Variants in NEGR1 observed in about 807,000 individuals in gnomAD.
The protein encoded by NEGR1 is neuronal growth regulator 1, also known as IgLON family member 4.
Under a neutral mutation model 40.9 loss-of-function variants are expected in NEGR1, and 10 were observed. That is an observed-to-expected ratio of 0.24 (90% CI 0.15 to 0.42). The LOEUF (loss-of-function observed/expected upper bound fraction) is 0.42. Among genes scored for constraint, NEGR1 ranks in the 10% least tolerant of loss-of-function variants. NEGR1 has a pLI of 1.00. For missense variants in NEGR1, 352 were observed against 438.9 expected (o/e 0.80, Z 1.77); for synonymous variants, 185 against 166.8 (o/e 1.11, Z -0.84).
At position 72,205,756 on chromosome 1, in the gene NEGR1, CAAAAAAAAAAAAA is replaced by C. The variant is rs35490878; in HGVS notation, c.176+76550_176+76562del. 2.9e-4 allele frequency among the ~76,000 whole-genome samples: 9 copies of C among 30,886 alleles called. No homozygotes were observed. In the East Asian group the frequency reaches 4.0e-3, roughly 14 times the overall value. The allele number at this position is 30,886 out of a possible 152,430, so 20.3% of individuals were successfully genotyped here. A position where few individuals can be genotyped will look rare whatever the true frequency, so the allele number is the denominator to read the frequency against. ...GGCAAATGGCAAAACCCCATTTCTA[CAAAAAAAAAAAAA>C]AAAAAAAAAAAAAAATACAAAAATT... is the stretch of plus-strand genomic sequence containing the variant. On this transcript the variant is annotated intron_variant, in intron 1 of 6. Transcript: ENST00000357731.
At chr1:72,103,354 T>G (rs966157444) in intron 1 of NEGR1, among the ~76,000 whole-genome samples, 66 of 152,090 alleles carry the variant, frequency 4.3e-4, no homozygotes, top group African/African-American at 1.6e-3. Context: ...TATGGTATGT[T>G]GACAGAGCAT....
intron 6 of NEGR1, among the ~76,000 whole-genome samples, chr1:71,580,990 A>G (rs908997871): frequency 6.6e-6 from 1 of 152,236 alleles, no homozygotes; most frequent in Admixed American, 6.5e-5. Flanking sequence ...TTAAAATTGA[A>G]TTCTATAAGT....
chr1:72,263,669 G>A (rs904462484), intron 1 of NEGR1, among the ~76,000 whole-genome samples: 2 of 151,414 alleles, frequency 1.3e-5, no homozygotes, highest in Admixed American at 1.3e-4. Context: ...AGAATCTAAA[G>A]TTATCTATAC....
intron 1 of NEGR1, among the ~76,000 whole-genome samples, chr1:72,148,562 C>T (rs1444623319): frequency 6.6e-6 from 1 of 152,126 alleles, no homozygotes; most frequent in Non-Finnish European, 1.5e-5. Context: ...CATCAGGCTG[C>T]AAATTTTCTG....
chr1:71,399,818 T>C lies in NEGR1; in HGVS notation c.*7628A>G, dbSNP rs952733839. The stretch of plus-strand genomic sequence containing the variant: ...TCAGGGCAACCACAATCCACACTTA[T>C]GAAACTACTTAGAAAACTATGGAAG... On this transcript the variant is annotated 3_prime_UTR_variant, in exon 7 of 7. Transcript: ENST00000357731. 1.3e-5 allele frequency: 2 copies of C among 152,232 alleles called. No individual in the cohort carries two copies. Among genetic ancestry groups the C allele is most frequent in the African/African-American group, 4.8e-5 (2 of 41,470 alleles). The allele number at this position is 152,232 out of a possible 1,614,324, so 9.4% of individuals were successfully genotyped here.
intron 2 of NEGR1, among the ~76,000 whole-genome samples, chr1:71,814,912 C>A (rs1658145644): frequency 6.6e-6 from 1 of 152,004 alleles, no homozygotes; most frequent in Non-Finnish European, 1.5e-5. Flanking sequence ...TCCTTCAGTT[C>A]CACTCTGATC....
chr1:72,221,098 C>T (rs558218055), intron 1 of NEGR1, among the ~76,000 whole-genome samples: 2 of 152,154 alleles, frequency 1.3e-5, no homozygotes, highest in East Asian at 3.9e-4. Flanking sequence ...AAGAAATAAT[C>T]TGTTCTACGC....
intron 1 of NEGR1, among the ~76,000 whole-genome samples, chr1:72,093,137 C>T (rs895934640): frequency 1.1e-4 from 17 of 151,946 alleles, no homozygotes; most frequent in African/African-American, 3.9e-4. Flanking sequence ...TCGAGATCAT[C>T]CTGGCCAATG....
intron 1 of NEGR1, among the ~76,000 whole-genome samples, chr1:71,996,103 T>G (rs920231696): frequency 6.6e-6 from 1 of 152,170 alleles, no homozygotes; most frequent in African/African-American, 2.4e-5. Context: ...AAGTATTTTC[T>G]GTGTAGCCCC....
At chr1:71,482,839 G>T (rs1417360223) in intron 6 of NEGR1, among the ~76,000 whole-genome samples, 1 of 151,800 alleles carries the variant, frequency 6.6e-6, no homozygotes. Context: ...ACTATATACT[G>T]CCTGTATTAG....
At position 72,076,594 on chromosome 1, in the gene NEGR1, T is replaced by C. The variant is rs187667010; in HGVS notation, c.177-141283A>G. Among the ~76,000 whole-genome samples, 518 of 148,744 alleles carry C rather than the reference T, an allele frequency of 3.5e-3. 1 individual carries two copies. The highest frequency in any genetic ancestry group is 0.01 in the Middle Eastern group (3 of 286). Reference sequence around the variant, plus strand: ...TTCTCCGGCTGGCTGACAGTATATCTTGATCTTCCATAACAAGTGAGCCAA... The same window carrying C: ...TTCTCCGGCTGGCTGACAGTATATCCTGATCTTCCATAACAAGTGAGCCAA... On this transcript the variant is annotated intron_variant, in intron 1 of 6. Coordinates refer to ENST00000357731, the MANE Select transcript of NEGR1 (RefSeq NM_173808.3).
chr1:71,961,813 A>C lies in NEGR1; in HGVS notation c.177-26502T>G, dbSNP rs188392011. Among the ~76,000 whole-genome samples the C allele has an allele frequency of 2.0e-4, 30 of 152,242 alleles. No individual in the cohort carries two copies. In the South Asian group the frequency reaches 3.3e-3, roughly 17 times the overall value. ...TAAGATACATCATCTCATTAAGAAC[A>C]CAGGTTTTGGGTCAAATGGACTTAG... On this transcript the variant is annotated intron_variant, in intron 1 of 6. Transcript: ENST00000357731.
chr1:72,013,990 G>GAAAAAAAAA (rs1557483824), intron 1 of NEGR1, among the ~76,000 whole-genome samples: 6 of 119,200 alleles, frequency 5.0e-5, no homozygotes, highest in African/African-American at 1.4e-4. Context: ...AAAAAAAAAG[G>GAAAAAAAAA]AGGTTGGGGG....
At chr1:71,817,619 A>G (rs1477122786) in intron 2 of NEGR1, among the ~76,000 whole-genome samples, 1 of 151,642 alleles carries the variant, frequency 6.6e-6, no homozygotes, top group Admixed American at 6.6e-5. Context: ...ACCTGCAGGC[A>G]ATGATGACTG....
At chr1:72,010,737 T>C (rs557546709) in intron 1 of NEGR1, among the ~76,000 whole-genome samples, 1 of 152,142 alleles carries the variant, frequency 6.6e-6, no homozygotes, top group African/African-American at 2.4e-5. Flanking sequence ...GGGGGCACAT[T>C]GTATAAGCGT....
intron 1 of NEGR1, among the ~76,000 whole-genome samples, chr1:71,973,828 C>A (rs1207264758): frequency 6.6e-6 from 1 of 152,146 alleles, no homozygotes. Context: ...AGTGTTGGTG[C>A]CTTGGCTTGT....
At chr1:71,418,551 C>G (rs1215550484) in intron 6 of NEGR1, among the ~76,000 whole-genome samples, 2 of 152,092 alleles carry the variant, frequency 1.3e-5, no homozygotes, top group Admixed American at 1.3e-4. Flanking sequence ...CTTTTAGCTC[C>G]TTGGGTTTAC....
At chr1:71,568,341 A>C (rs1399942536) in intron 6 of NEGR1, among the ~76,000 whole-genome samples, 1 of 152,146 alleles carries the variant, frequency 6.6e-6, no homozygotes, top group Non-Finnish European at 1.5e-5. Context: ...AAATTTACAG[A>C]CCATGAGCCC....
At chr1:71,948,893 CTA>C (rs978126464) in intron 1 of NEGR1, among the ~76,000 whole-genome samples, 6 of 152,058 alleles carry the variant, frequency 3.9e-5, no homozygotes, top group African/African-American at 1.2e-4. Flanking sequence ...AGCCCCATGA[CTA>C]TCATCTCTCA....
Sources: gnomAD v4.1 joint callset for allele counts (sites outside exome capture counted in the v4.1 genomes callset) on GRCh38, gnomAD v4.1.1 for gene constraint, MANE v1.5 for transcripts, NCBI Gene and HGNC (gene_info 2026-07-23, HGNC 2026-07-21) for gene names.